The following ERBB4 variants were observed in gnomAD, a reference collection of about 807,000 sequenced individuals.
ERBB4 encodes the protein erb-b2 receptor tyrosine kinase 4, also known as receptor tyrosine-protein kinase erbB-4.
Under a neutral mutation model 158.0 loss-of-function variants are expected in ERBB4, and 42 were observed. The ratio of observed to expected loss-of-function variants is 0.27; its 90% CI spans 0.21 to 0.34. The LOEUF (loss-of-function observed/expected upper bound fraction) is 0.34. Among genes scored for constraint, ERBB4 ranks in the 10% least tolerant of loss-of-function variants. The probability of loss-of-function intolerance (pLI) is 1.00; values close to 1 mark genes in which losing one functional copy is unlikely to be tolerated. For missense variants in ERBB4, 1,333 were observed against 1,624.1 expected, an observed-to-expected ratio of 0.82 and a Z score of 3.08; for synonymous variants, 583 against 558.7, an observed-to-expected ratio of 1.04 and a Z score of -0.61.
chr2:211,835,085 G>T (rs1005427254), intron 3 of ERBB4, among the ~76,000 whole-genome samples: 2 of 151,964 alleles, frequency 1.3e-5, no homozygotes, highest in African/African-American at 4.8e-5. Context: ...TTTAGGGAAA[G>T]ATCTTTTTTA....
At chr2:211,810,268 C>T (rs1026663628) in intron 3 of ERBB4, among the ~76,000 whole-genome samples, 1 of 152,194 alleles carries the variant, frequency 6.6e-6, no homozygotes, top group Admixed American at 6.5e-5. Context: ...TCTTGTTGAT[C>T]TGTCTCATAT....
chr2:212,307,022 C>A (rs963097102), intron 1 of ERBB4, among the ~76,000 whole-genome samples: 14 of 151,022 alleles, frequency 9.3e-5, no homozygotes, highest in African/African-American at 3.4e-4. Context: ...AATGAAAGGC[C>A]AAATTATCAT....
chr2:211,912,277 A>G (rs2079558921), intron 3 of ERBB4, among the ~76,000 whole-genome samples: 1 of 152,166 alleles, frequency 6.6e-6, no homozygotes, highest in African/African-American at 2.4e-5. Flanking sequence ...TACCTGGAAG[A>G]CAAGCTTCCA....
chr2:212,218,014 A>G (rs2083157762), intron 1 of ERBB4, among the ~76,000 whole-genome samples: 1 of 151,350 alleles, frequency 6.6e-6, no homozygotes, highest in Non-Finnish European at 1.5e-5. Flanking sequence ...AAGTATATTT[A>G]TTGAATACCT....
intron 20 of ERBB4, among the ~76,000 whole-genome samples, chr2:211,550,332 C>T (rs2067052424): frequency 6.6e-6 from 1 of 151,742 alleles, no homozygotes; most frequent in South Asian, 2.1e-4. Context: ...CCCTGATAGC[C>T]ACCACTCTAC....
intron 2 of ERBB4, among the ~76,000 whole-genome samples, chr2:211,990,460 G>C (rs2082043040): frequency 6.6e-6 from 1 of 151,830 alleles, no homozygotes; most frequent in South Asian, 2.1e-4. Flanking sequence ...CAAGAATATT[G>C]TGAGTGCTTA....
At chr2:212,355,554 T>G (rs971289274) in intron 1 of ERBB4, among the ~76,000 whole-genome samples, 1 of 152,064 alleles carries the variant, frequency 6.6e-6, no homozygotes, top group Non-Finnish European at 1.5e-5. Context: ...CTTTAAGGCA[T>G]AGCAAGGCTG....
At chr2:212,344,549 G>A (rs959259211) in intron 1 of ERBB4, among the ~76,000 whole-genome samples, 1 of 151,840 alleles carries the variant, frequency 6.6e-6, no homozygotes, top group Non-Finnish European at 1.5e-5. Context: ...CACACATAGC[G>A]AAGTATAAGC....
intron 2 of ERBB4, among the ~76,000 whole-genome samples, chr2:211,952,949 C>T (rs749938012): frequency 1.3e-5 from 2 of 151,734 alleles, no homozygotes; most frequent in African/African-American, 4.8e-5. Context: ...ACCTTTGGTA[C>T]ATTTATATCT....
intron 2 of ERBB4, among the ~76,000 whole-genome samples, chr2:211,957,339 T>G (rs1411835416): frequency 1.3e-5 from 2 of 151,770 alleles, no homozygotes; most frequent in African/African-American, 4.8e-5. Flanking sequence ...CAGAGAGAAG[T>G]TGGTCATCTA....
At chr2:212,312,812 T>C (rs1379557560) in intron 1 of ERBB4, among the ~76,000 whole-genome samples, 2 of 150,820 alleles carry the variant, frequency 1.3e-5, no homozygotes, top group Admixed American at 6.6e-5. Flanking sequence ...TTCTTCCTTA[T>C]TTTAGAAGCA....
chr2:212,255,474 A>T (rs1393956800), intron 1 of ERBB4, among the ~76,000 whole-genome samples: 1 of 152,170 alleles, frequency 6.6e-6, no homozygotes, highest in Non-Finnish European at 1.5e-5. Flanking sequence ...TATAAATAAA[A>T]CAATTTGTAT....
intron 19 of ERBB4, among the ~76,000 whole-genome samples, chr2:211,603,210 G>A (rs774724697): frequency 7.9e-5 from 12 of 151,990 alleles, no homozygotes; most frequent in South Asian, 4.1e-4. Context: ...CAGCCCGGGC[G>A]ACAGAGCAAG....
At chr2:212,405,717 T>C (rs1394797) in intron 1 of ERBB4, among the ~76,000 whole-genome samples, 5,242 of 152,216 alleles carry the variant, frequency 0.034, 152 homozygotes, top group East Asian at 0.057. Flanking sequence ...CATACTTCAA[T>C]TATTTTTGTA....
At chr2:212,191,879 TATGTTAC>T (rs1414400476) in intron 1 of ERBB4, among the ~76,000 whole-genome samples, 4 of 1,824 alleles carry the variant, frequency 2.2e-3, no homozygotes, top group Admixed American at 0.014. Context: ...ATATAATACA[TATGTTAC>T]ATGTTATATA....
intron 17 of ERBB4, among the ~76,000 whole-genome samples, chr2:211,626,700 G>A: frequency 6.6e-6 from 1 of 151,998 alleles, no homozygotes; most frequent in East Asian, 1.9e-4. Flanking sequence ...CGAGGCAGGC[G>A]GATCACGAGG....
rs115054383 is a variant in ERBB4 at position 211,575,838 on chromosome 2, C to T, written c.2302-13750G>A. ...GACTTTAATTAAGTTTTCCATTTTT[C>T]TCTTATAGCTTCATGCTTATGTAGG... On this transcript the variant is annotated intron_variant, in intron 19 of 27. Transcript: ENST00000342788. 5.4e-3 allele frequency among the ~76,000 whole-genome samples: 829 copies of T among 152,240 alleles called. 3 individuals are homozygous for T. Among genetic ancestry groups the T allele is most frequent in the Non-Finnish European group, 9.4e-3 (639 of 68,012 alleles).
intron 1 of ERBB4, among the ~76,000 whole-genome samples, chr2:212,241,962 T>C (rs1419987889): frequency 6.6e-6 from 1 of 151,292 alleles, no homozygotes; most frequent in African/African-American, 2.4e-5. Context: ...GAAATAGGAG[T>C]CATAATTTGA....
intron 3 of ERBB4, among the ~76,000 whole-genome samples, chr2:211,791,308 T>C (rs1473684986): frequency 3.3e-5 from 5 of 151,928 alleles, no homozygotes; most frequent in Non-Finnish European, 4.4e-5. Context: ...ATTTAGATCT[T>C]GTGGTGACAC....
Sources: gnomAD v4.1 joint callset for allele counts (sites outside exome capture counted in the v4.1 genomes callset) on GRCh38, gnomAD v4.1.1 for gene constraint, MANE v1.5 for transcripts, NCBI Gene and HGNC (gene_info 2026-07-23, HGNC 2026-07-21) for gene names.